Variants in SLA observed in about 807,000 individuals in gnomAD.
SLA encodes the protein Src like adaptor, also known as src-like-adapter.
In SLA, 16 loss-of-function variants were observed where a neutral mutation model predicts 30.3. The ratio of observed to expected loss-of-function variants is 0.53; its 90% CI spans 0.36 to 0.80. The LOEUF is 0.80. SLA is among the 30% of genes least tolerant of loss of function. The pLI is 0.01. For missense variants in SLA, 310 were observed against 345.2 expected, an observed-to-expected ratio of 0.90 and a Z score of 0.81; for synonymous variants, 143 against 137.8, an observed-to-expected ratio of 1.04 and a Z score of -0.26.
intron 2 of SLA, among the ~76,000 whole-genome samples, chr8:133,068,183 A>T (rs570396860): frequency 3.3e-5 from 5 of 152,344 alleles, no homozygotes; most frequent in African/African-American, 1.2e-4. Context: ...AAGGTCACAC[A>T]TTAAGTTTGG....
At chr8:133,066,388 G>A (rs1321788551) in intron 2 of SLA, among the ~76,000 whole-genome samples, 1 of 149,668 alleles carries the variant, frequency 6.7e-6, no homozygotes, top group Non-Finnish European at 1.5e-5. Context: ...GAAACAGAAA[G>A]GAATACTAGC....
intron 1 of SLA, among the ~76,000 whole-genome samples, chr8:133,079,669 T>C (rs961520570): frequency 6.6e-5 from 10 of 152,188 alleles, no homozygotes; most frequent in Non-Finnish European, 1.2e-4. Flanking sequence ...CCATTCCTAC[T>C]TTATAGCTTG....
At chr8:133,060,069 T>C in intron 3 of SLA, 31 bp downstream of exon 3, 2 of 1,557,808 alleles carry the variant, frequency 1.3e-6, no homozygotes, top group African/African-American at 1.4e-5. Flanking sequence ...TAGCACAGAC[T>C]CAAGCATCTC....
intron 1 of SLA, among the ~76,000 whole-genome samples, chr8:133,084,386 A>G (rs1042237580): frequency 2.6e-5 from 4 of 152,212 alleles, no homozygotes; most frequent in African/African-American, 7.2e-5. Context: ...GCCCATGTGT[A>G]TGTATGAAGT....
Position 133,050,908 on chromosome 8 carries a change from A to G in SLA, c.69T>C (p.Asp23=). The G allele has an allele frequency of 6.2e-7, 1 of 1,611,228 alleles. No individual in the cohort carries two copies. Among genetic ancestry groups the G allele is most frequent in the Non-Finnish European group, 8.5e-7 (1 of 1,177,382 alleles). ...ERPLPNPEGL[D]SDFLAVLSDY... The stretch of plus-strand genomic sequence containing the variant: ...CACTTAGCACGGCAAGGAAGTCGCT[A>G]TCCAGTCCTGGGGAAACAAAGGCAA... The change falls in exon 4 of 9, where the codon GAT becomes GAC. Residue 23 remains aspartate, a synonymous_variant. Transcript: ENST00000338087.
chr8:133,099,655 T>C (rs1848956816), intron 1 of SLA, among the ~76,000 whole-genome samples: 1 of 152,212 alleles, frequency 6.6e-6, no homozygotes, highest in African/African-American at 2.4e-5. Flanking sequence ...TGTTCTTCTG[T>C]AGTCTTCACC....
At chr8:133,066,236 G>T (rs1843014761) in intron 2 of SLA, among the ~76,000 whole-genome samples, 1 of 147,876 alleles carries the variant, frequency 6.8e-6, no homozygotes, top group Non-Finnish European at 1.5e-5. Context: ...TGAGGCAAGA[G>T]AACGGCGTGA....
chr8:133,092,496 G>A (rs1346066424), intron 1 of SLA, among the ~76,000 whole-genome samples: 1 of 152,184 alleles, frequency 6.6e-6, no homozygotes, highest in African/African-American at 2.4e-5. Context: ...TTTACATCCT[G>A]TGGGGTCCCG....
At chr8:133,061,956 A>G (rs139799441) in intron 2 of SLA, among the ~76,000 whole-genome samples, 102 of 152,350 alleles carry the variant, frequency 6.7e-4, no homozygotes, top group African/African-American at 2.4e-3. Flanking sequence ...AAGTCCGTAT[A>G]TCTTAGACAT....
intron 1 of SLA, among the ~76,000 whole-genome samples, chr8:133,099,184 G>T (rs566160161): frequency 6.6e-6 from 1 of 152,370 alleles, no homozygotes; most frequent in African/African-American, 2.4e-5. Flanking sequence ...GCACAGCAGA[G>T]CAGCTGCTAG....
At chr8:133,048,806 A>G (rs1178895015) in intron 5 of SLA, 1 of 172,266 alleles carries the variant, frequency 5.8e-6, no homozygotes, top group African/African-American at 2.4e-5. Context: ...CATCCTAAGC[A>G]TGGAAGTGGC....
At chr8:133,046,303 T>C (rs991310401) in intron 6 of SLA, among the ~76,000 whole-genome samples, 1 of 152,094 alleles carries the variant, frequency 6.6e-6, no homozygotes, top group Admixed American at 6.6e-5. Context: ...TCATAGGAGG[T>C]ATTGCCCCCA....
rs781666811 is a variant in SLA, at chr8:133,096,271, G to T, written c.-319+6282C>A. ...TGATCGATGGCCACTTCCTCCGTGA[G>T]CCTCCAGCCAGAGCACTGAAGAGGT... On this transcript the variant is annotated intron_variant, in intron 1 of 8. Transcript: ENST00000338087. The T allele has an allele frequency of 4.3e-6, 7 of 1,614,238 alleles. 1 individual carries two copies. The South Asian group carries it at 6.6e-5, about 15-fold the overall frequency.
intron 2 of SLA, among the ~76,000 whole-genome samples, chr8:133,065,115 A>G (rs577185945): frequency 6.6e-6 from 1 of 152,318 alleles, no homozygotes; most frequent in African/African-American, 2.4e-5. Flanking sequence ...TGGTGCGGCA[A>G]GTGGAGAAGC....
chr8:133,096,839 T>G (rs547395881), intron 1 of SLA, among the ~76,000 whole-genome samples: 77 of 152,334 alleles, frequency 5.1e-4, no homozygotes, highest in Non-Finnish European at 8.8e-4. Flanking sequence ...GCACGCACAA[T>G]GCACCTGGCA....
At chr8:133,091,463 C>T (rs1420672499) in intron 1 of SLA, among the ~76,000 whole-genome samples, 1 of 152,162 alleles carries the variant, frequency 6.6e-6, no homozygotes, top group African/African-American at 2.4e-5. Context: ...TAGCTGCCCA[C>T]CCCGCTTCTT....
rs980339056 is a variant in SLA, at chr8:133,071,680, G to A, written c.-41+3173C>T. ...GGGGGAGGAGGCGCACCTGCAAACT[G>A]GAGGGAACACGTTCAGCTCCCAGGG... On this transcript the variant is annotated intron_variant, in intron 2 of 8. Transcript: ENST00000338087. 3.9e-5 allele frequency among the ~76,000 whole-genome samples: 6 copies of A among 152,168 alleles called. No homozygotes were observed. In the South Asian group the frequency reaches 8.3e-4, roughly 21 times the overall value.
rs571292728 is a variant in SLA, at chr8:133,082,151, T to C, written c.-318-7021A>G. 2.6e-5 allele frequency among the ~76,000 whole-genome samples: 4 copies of C among 152,256 alleles called. No homozygotes were observed. The South Asian group carries it at 8.3e-4, about 32-fold the overall frequency. On this transcript the variant is annotated intron_variant, in intron 1 of 8. Transcript: ENST00000338087. ...TGTACGGTGCTGGTGTTGGTGGTGTTGGGTGTTGTCAGGCCGCATGAAGGG... is the reference window on the plus strand; with the variant it reads ...TGTACGGTGCTGGTGTTGGTGGTGTCGGGTGTTGTCAGGCCGCATGAAGGG...
intron 7 of SLA, among the ~76,000 whole-genome samples, chr8:133,041,537 G>A (rs567158320): frequency 6.6e-6 from 1 of 152,308 alleles, no homozygotes; most frequent in East Asian, 1.9e-4. Flanking sequence ...AAATTGAAAT[G>A]ACCTCCCAGG....
Sources: allele counts gnomAD v4.1 joint callset (sites outside exome capture counted in the v4.1 genomes callset), GRCh38; gene constraint gnomAD v4.1.1; transcripts MANE v1.5; gene names NCBI Gene and HGNC (gene_info 2026-07-23, HGNC 2026-07-21).